Variants in ALK observed in about 807,000 individuals in gnomAD.
The protein encoded by ALK is ALK tyrosine kinase receptor.
In ALK, 74 loss-of-function variants were observed where a neutral mutation model predicts 163.1. The observed-to-expected ratio is 0.45, with a 90% CI of 0.38 to 0.55. The LOEUF (loss-of-function observed/expected upper bound fraction) is 0.55. Ranked by LOEUF, ALK falls within the 20% of genes least tolerant of loss-of-function variation. ALK has a pLI of 0.00. For missense variants in ALK, 2,063 were observed against 2,105.3 expected, an observed-to-expected ratio of 0.98 and a Z score of 0.39; for synonymous variants, 960 against 843.2, an observed-to-expected ratio of 1.14 and a Z score of -2.40.
intron 3 of ALK, among the ~76,000 whole-genome samples, chr2:29,672,791 C>T (rs1373499344): frequency 6.7e-6 from 1 of 148,682 alleles, no homozygotes; most frequent in East Asian, 2.0e-4. Context: ...ACAGTCCCAC[C>T]AACAGTGTAA....
intron 3 of ALK, chr2:29,681,412 T>C (rs1442760626): frequency 6.6e-6 from 1 of 152,216 alleles, no homozygotes; most frequent in East Asian, 1.9e-4. Flanking sequence ...GGGCTTATAT[T>C]CCTTAAGTCA....
intron 1 of ALK, among the ~76,000 whole-genome samples, chr2:29,791,027 G>A (rs187068366): frequency 6.6e-6 from 1 of 152,182 alleles, no homozygotes; most frequent in Non-Finnish European, 1.5e-5. Context: ...CTCTTGGCAA[G>A]TCTCTTCCTT....
At chr2:29,776,923 A>G (rs765934350) in intron 1 of ALK, among the ~76,000 whole-genome samples, 2 of 152,234 alleles carry the variant, frequency 1.3e-5, no homozygotes, top group Non-Finnish European at 2.9e-5. Flanking sequence ...GCCCAGGTGA[A>G]CCAGGACTAC....
intron 3 of ALK, among the ~76,000 whole-genome samples, chr2:29,545,342 TG>T (rs1258552781): frequency 2.0e-5 from 3 of 152,226 alleles, no homozygotes; most frequent in Non-Finnish European, 4.4e-5. Context: ...GGCTCCTTAT[TG>T]TTTATTTTTC....
At chr2:29,318,551 C>T in intron 7 of ALK, 147 bp from the exon 8 acceptor site, 1 of 658,754 alleles carries the variant, frequency 1.5e-6, no homozygotes, top group Non-Finnish European at 2.7e-6. Context: ...GAGAAGAAAG[C>T]CCACCTGTCA....
At chr2:29,642,141 C>T (rs1377016383) in intron 3 of ALK, among the ~76,000 whole-genome samples, 1 of 152,152 alleles carries the variant, frequency 6.6e-6, no homozygotes, top group South Asian at 2.1e-4. Context: ...CTCTCAGCCC[C>T]ACCCCAGAAC....
intron 1 of ALK, among the ~76,000 whole-genome samples, chr2:29,748,735 G>C (rs149231744): frequency 2.6e-5 from 4 of 152,150 alleles, no homozygotes; most frequent in African/African-American, 9.6e-5. Flanking sequence ...GGTACTTTAA[G>C]AGATACTAAC....
rs759637881 is a variant in ALK, at chr2:29,337,741, G to A, written c.1283-9260C>T. ...TTCTCACCACCCCCACCGTCTCATTGCAAGGATTTTCTCCTTGGTCCAGTA... is the reference window on the plus strand; with the variant it reads ...TTCTCACCACCCCCACCGTCTCATTACAAGGATTTTCTCCTTGGTCCAGTA... On this transcript the variant is annotated intron_variant, in intron 5 of 28. Coordinates refer to ENST00000389048, the MANE Select transcript of ALK (RefSeq NM_004304.5). 2.7e-4 allele frequency among the ~76,000 whole-genome samples: 41 copies of A among 152,100 alleles called. 1 individual carries two copies. The highest frequency in any genetic ancestry group is 5.2e-4 in the Admixed American group (8 of 15,270).
At chr2:29,461,793 C>T (rs1671089853) in intron 4 of ALK, among the ~76,000 whole-genome samples, 1 of 151,810 alleles carries the variant, frequency 6.6e-6, no homozygotes, top group Middle Eastern at 3.2e-3. Flanking sequence ...AACTTTCAGT[C>T]TTATTATTTA....
chr2:29,341,640 C>T (rs904942623), intron 5 of ALK, among the ~76,000 whole-genome samples: 2 of 152,190 alleles, frequency 1.3e-5, no homozygotes, highest in African/African-American at 4.8e-5. Context: ...AAAGTGCTTC[C>T]CATTCTAGGC....
chr2:29,532,431 A>C (rs1387194538), intron 3 of ALK, among the ~76,000 whole-genome samples: 1 of 152,228 alleles, frequency 6.6e-6, no homozygotes, highest in Non-Finnish European at 1.5e-5. Context: ...AGGAATAAAA[A>C]CATCTATTTC....
At chr2:29,459,490 G>A (rs539841867) in intron 4 of ALK, among the ~76,000 whole-genome samples, 12 of 152,050 alleles carry the variant, frequency 7.9e-5, no homozygotes, top group Admixed American at 2.0e-4. Context: ...ATCCTCAGGC[G>A]GAAATCTTTG....
chr2:29,462,780 CT>C, intron 4 of ALK, among the ~76,000 whole-genome samples: 1 of 152,126 alleles, frequency 6.6e-6, no homozygotes, highest in East Asian at 1.9e-4. Flanking sequence ...GCAATGGCTC[CT>C]TTTTGCTACA....
At chr2:29,832,236 G>A (rs954056031) in intron 1 of ALK, among the ~76,000 whole-genome samples, 2 of 152,194 alleles carry the variant, frequency 1.3e-5, no homozygotes, top group African/African-American at 4.8e-5. Flanking sequence ...AGAGGGTGGA[G>A]AACCCAGAAA....
intron 4 of ALK, among the ~76,000 whole-genome samples, chr2:29,495,720 C>T (rs537091750): frequency 1.3e-4 from 20 of 152,270 alleles, no homozygotes; most frequent in African/African-American, 3.8e-4. Flanking sequence ...AGAGAGAAAG[C>T]CAGGACTCAA....
chr2:29,261,569 T>G (rs1254862378), intron 11 of ALK, among the ~76,000 whole-genome samples: 1 of 152,154 alleles, frequency 6.6e-6, no homozygotes, highest in East Asian at 1.9e-4. Flanking sequence ...TTTTTCAGAT[T>G]TCACCTCAGG....
At chr2:29,906,260 A>C (rs559383323) in intron 1 of ALK, among the ~76,000 whole-genome samples, 1 of 152,178 alleles carries the variant, frequency 6.6e-6, no homozygotes, top group East Asian at 1.9e-4. Flanking sequence ...TTATATATTT[A>C]TTTGTTCATT....
rs762635291 is a variant in ALK, at chr2:29,920,340, C to A, written c.320G>T (p.Gly107Val). The part of the protein sequence containing the change: ...PLLRLLGPAP[G>V]VSWTAGSPAP... ...TGGTGAACCGGCGGTCCAGGAGACC[C>A]CCGGCGCCGGCCCCAGCAACCTGAG... Residue 107 changes from glycine to valine, a missense_variant, in exon 1 of 29, where the codon GGG (glycine) becomes GTG (valine). Physicochemically the swap from Gly to Val is moderately radical, Grantham distance 109 (BLOSUM62 -3). Coordinates refer to ENST00000389048, the MANE Select transcript of ALK (RefSeq NM_004304.5). The A allele has an allele frequency of 6.4e-7, 1 of 1,551,446 alleles. No homozygotes were observed. The highest frequency in any genetic ancestry group is 1.4e-5 in the African/African-American group (1 of 73,252).
At chr2:29,374,391 C>T (rs1175756451) in intron 5 of ALK, among the ~76,000 whole-genome samples, 4 of 151,944 alleles carry the variant, frequency 2.6e-5, no homozygotes, top group African/African-American at 9.7e-5. Flanking sequence ...TAATCTCTCT[C>T]CTACATTGGA....
Sources: gnomAD v4.1 joint callset for allele counts (sites outside exome capture counted in the v4.1 genomes callset) on GRCh38, gnomAD v4.1.1 for gene constraint, MANE v1.5 for transcripts, NCBI Gene and HGNC (gene_info 2026-07-23, HGNC 2026-07-21) for gene names.